Variants in BTNL9 observed in about 807,000 individuals in gnomAD.
BTNL9 encodes the protein butyrophilin like 9.
A neutral mutation model predicts 45.8 loss-of-function variants in BTNL9; 45 were observed. The observed-to-expected ratio is 0.98, with a 90% CI of 0.77 to 1.26. The LOEUF is 1.26. Among genes scored for constraint, BTNL9 ranks in the 50% most tolerant of loss-of-function variants. BTNL9 has a pLI of 0.00. For missense variants in BTNL9, 784 were observed against 729.7 expected, an observed-to-expected ratio of 1.07 and a Z score of -0.86; for synonymous variants, 346 against 330.8, an observed-to-expected ratio of 1.05 and a Z score of -0.50.
At position 181,055,673 on chromosome 5, in the gene BTNL9, G is replaced by A; in HGVS notation, c.928+220G>A. On this transcript the variant is annotated intron_variant, in intron 8 of 10. Coordinates refer to ENST00000327705, the MANE Select transcript of BTNL9 (RefSeq NM_152547.5). This position sits in a 1 kb window ranked among gnomAD's most constrained non-coding sequence, Gnocchi z 4.4. ...AGTCCCAGCTACATGGGAGGCTGAG[G>A]CAGGAGAAGGGCGTGAACCCGGGAA... 1 of 687,132 alleles carries A rather than the reference G, an allele frequency of 1.5e-6. No homozygotes were observed. 42.6% of individuals were successfully genotyped at this position (687,132 alleles called of 1,614,324 possible). A position where few individuals can be genotyped will look rare whatever the true frequency, so the allele number is the denominator to read the frequency against.
chr5:181,054,691 AAGAG>A (rs1259006526), intron 7 of BTNL9: 8 of 985,150 alleles, frequency 8.1e-6, no homozygotes, highest in African/African-American at 3.5e-5. Context: ...TGTAGAGAGG[AAGAG>A]AGAGTGAACC....
chr5:181,053,699 G>A lies in BTNL9; in HGVS notation c.886+198G>A. On this transcript the variant is annotated intron_variant, in intron 6 of 10. Coordinates refer to ENST00000327705, the MANE Select transcript of BTNL9 (RefSeq NM_152547.5). The surrounding 1 kb of genome is among the most constrained non-coding windows in gnomAD (Gnocchi z 6.5). The stretch of plus-strand genomic sequence containing the variant: ...ACAAAAGCGGAGGTGCGGAACGGCT[G>A]CATTTTCCACGGAGGCTAGTGCACA... The A allele has an allele frequency of 6.6e-7, 1 of 1,511,568 alleles. No individual in the cohort carries two copies. Among genetic ancestry groups the A allele is most frequent in the Non-Finnish European group, 8.9e-7 (1 of 1,127,518 alleles). The allele number at this position is 1,511,568 out of a possible 1,614,324, so 93.6% of individuals were successfully genotyped here. A position where few individuals can be genotyped will look rare whatever the true frequency, so the allele number is the denominator to read the frequency against.
rs530194541 is a variant in BTNL9, at chr5:181,061,301, G to T, written c.*1439G>T. 6.6e-6 allele frequency: 1 copy of T among 152,364 alleles called. No individual in the cohort carries two copies. Among genetic ancestry groups the T allele is most frequent in the African/African-American group, 2.4e-5 (1 of 41,590 alleles). 9.4% of individuals were successfully genotyped at this position (152,364 alleles called of 1,614,324 possible). On this transcript the variant is annotated 3_prime_UTR_variant, in exon 11 of 11. Transcript: ENST00000327705. The stretch of plus-strand genomic sequence containing the variant: ...GGTGACTCTAGGTGACTGGTCGACA[G>T]ATGTTCATTGTACTATCAATGTGGC...
intron 1 of BTNL9, among the ~76,000 whole-genome samples, 165 bp from the exon 2 acceptor site, chr5:181,045,302 A>G (rs1042398467): frequency 1.3e-5 from 2 of 152,142 alleles, no homozygotes; most frequent in Non-Finnish European, 2.9e-5. Flanking sequence ...AATTAGAAGC[A>G]GCTCTCCCCT....
Position 181,059,892 on chromosome 5 carries a change from G to A in BTNL9, c.*30G>A, listed in dbSNP as rs1762086635. 2.9e-6 allele frequency: 4 copies of A among 1,363,016 alleles called. No individual in the cohort carries two copies. The highest frequency in any genetic ancestry group is 2.8e-5 in the East Asian group (1 of 36,036). 84.4% of individuals were successfully genotyped at this position (1,363,016 alleles called of 1,614,324 possible). ...CCCTCGTGGCCGCGGGACTGGCCCC[G>A]GGGGGCCCCCTGGATCCCAGGCCAG... On this transcript the variant is annotated 3_prime_UTR_variant, in exon 11 of 11. Coordinates refer to ENST00000327705, the MANE Select transcript of BTNL9 (RefSeq NM_152547.5).
At chr5:181,051,095 A>AC (rs1440894792) in intron 4 of BTNL9, among the ~76,000 whole-genome samples, 3 of 151,622 alleles carry the variant, frequency 2.0e-5, no homozygotes, top group Non-Finnish European at 2.9e-5. Flanking sequence ...AAAACAAAAA[A>AC]AAAAAAAACA....
At position 181,060,062 on chromosome 5, in the gene BTNL9, G is replaced by A. The variant is rs1762092475; in HGVS notation, c.*200G>A. The A allele has an allele frequency of 1.7e-6, 1 of 599,654 alleles. No homozygotes were observed. The highest frequency in any genetic ancestry group is 2.3e-5 in the South Asian group (1 of 43,648). The allele number at this position is 599,654 out of a possible 1,614,324, so 37.1% of individuals were successfully genotyped here. ...AGGAAAGGAGACAAGTCCAAAGCTCGTTTGTGGATTGTGGGACTGAGCGAA... is the reference window on the plus strand; with the variant it reads ...AGGAAAGGAGACAAGTCCAAAGCTCATTTGTGGATTGTGGGACTGAGCGAA... On this transcript the variant is annotated 3_prime_UTR_variant, in exon 11 of 11. Coordinates refer to ENST00000327705, the MANE Select transcript of BTNL9 (RefSeq NM_152547.5).
At chr5:181,040,828 G>C (rs1032927095) in intron 1 of BTNL9, among the ~76,000 whole-genome samples, 1 of 152,242 alleles carries the variant, frequency 6.6e-6, no homozygotes, top group African/African-American at 2.4e-5. Flanking sequence ...TGCAGGGGGT[G>C]TCGGGGAGGC....
Position 181,053,353 on chromosome 5 carries a change from G to A in BTNL9, c.853+37G>A, listed in dbSNP as rs1046305598. 1 of 1,515,940 alleles carries A rather than the reference G, an allele frequency of 6.6e-7. No individual in the cohort carries two copies. Among genetic ancestry groups the A allele is most frequent in the South Asian group, 1.3e-5 (1 of 79,040 alleles). The allele number at this position is 1,515,940 out of a possible 1,614,324, so 93.9% of individuals were successfully genotyped here. On this transcript the variant is annotated intron_variant, in intron 5 of 10. Transcript: ENST00000327705. This position sits in a 1 kb window ranked among gnomAD's most constrained non-coding sequence, Gnocchi z 6.5. The stretch of plus-strand genomic sequence containing the variant: ...GGCGGCGGGGCGGGGAGGGGCACCG[G>A]CCGGTGCTGAACCCCGGGGCCGCGG...
intron 7 of BTNL9, chr5:181,054,775 T>C: frequency 9.1e-6 from 9 of 985,304 alleles, no homozygotes; most frequent in Non-Finnish European, 1.1e-5. Flanking sequence ...GATGAAACTG[T>C]AAGGTTGGGA....
rs112804703 is a variant in BTNL9, at chr5:181,049,229, GATACCTCCA to G, written c.455-855_455-847del. ...ACCTCCAGGAACTTACTCCACCTCC[GATACCTCCA>G]ATATGAAAAAAGCATATGTATGAGT... On this transcript the variant is annotated intron_variant, in intron 3 of 10. Transcript: ENST00000327705. Among the ~76,000 whole-genome samples, 575 of 152,012 alleles carry G rather than the reference GATACCTCCA, an allele frequency of 3.8e-3. 1 individual carries two copies. The highest frequency in any genetic ancestry group is 0.013 in the African/African-American group (551 of 41,436).
At chr5:181,056,829 A>C (rs1239206639) in intron 9 of BTNL9, 1 of 541,552 alleles carries the variant, frequency 1.8e-6, no homozygotes, top group East Asian at 3.1e-5. Flanking sequence ...ATCAGTGGGG[A>C]TAAGTGATGG....
In BTNL9 at chr5:181,050,860, G is replaced by A. The variant is rs199792022; in HGVS notation, c.736+491G>A. Among the ~76,000 whole-genome samples the A allele has an allele frequency of 1.3e-5, 2 of 152,004 alleles. No homozygotes were observed. Among genetic ancestry groups the A allele is most frequent in the Non-Finnish European group, 2.9e-5 (2 of 67,994 alleles). The stretch of plus-strand genomic sequence containing the variant: ...TCCCAGCACTTTGGGAGGCCAAGGC[G>A]GGTGGATCATGAGGTCAGGAGTTCA... On this transcript the variant is annotated intron_variant, in intron 4 of 10. Coordinates refer to ENST00000327705, the MANE Select transcript of BTNL9 (RefSeq NM_152547.5). The surrounding 1 kb of genome is among the most constrained non-coding windows in gnomAD (Gnocchi z 4.9).
In BTNL9 at chr5:181,050,117, G is replaced by A. The variant is rs540800197; in HGVS notation, c.484G>A (p.Glu162Lys). 483 of 1,613,940 alleles carry A rather than the reference G, an allele frequency of 3.0e-4. 6 individuals are homozygous for A. In the South Asian group the frequency reaches 5.0e-3, roughly 17 times the overall value. ...GLGSDPHLSLEGFKEGGIQLR... is the reference protein window; with the variant it reads ...GLGSDPHLSLKGFKEGGIQLR... Reference sequence around the variant, plus strand: ...GGGCTCAGACCCTCACCTCTCCCTTGAGGGCTTCAAGGAAGGAGGCATTCA... The same window carrying A: ...GGGCTCAGACCCTCACCTCTCCCTTAAGGGCTTCAAGGAAGGAGGCATTCA... Residue 162 changes from glutamate (E) to lysine (K), a missense_variant, in exon 4 of 11, where the codon GAG (glutamate) becomes AAG (lysine). Transcript: ENST00000327705. The surrounding 1 kb of genome is among the most constrained non-coding windows in gnomAD (Gnocchi z 4.9).
chr5:181,050,408 C>A lies in BTNL9; in HGVS notation c.736+39C>A. ...AGCTCACACCCATCTTCCTAGTCCT[C>A]ATGTGTACATACACATTGGCCCAAA... On this transcript the variant is annotated intron_variant, in intron 4 of 10. Transcript: ENST00000327705. The surrounding 1 kb of genome is among the most constrained non-coding windows in gnomAD (Gnocchi z 4.9). 1 of 1,601,504 alleles carries A rather than the reference C, an allele frequency of 6.2e-7. No individual in the cohort carries two copies. Among genetic ancestry groups the A allele is most frequent in the Non-Finnish European group, 8.5e-7 (1 of 1,172,352 alleles).
rs373742889 is a variant in BTNL9, at chr5:181,058,287, G to T, written c.956-65G>T. 33 of 1,584,102 alleles carry T rather than the reference G, an allele frequency of 2.1e-5. No individual in the cohort carries two copies. The African/African-American group carries it at 4.3e-4, about 21-fold the overall frequency. On this transcript the variant is annotated intron_variant, in intron 9 of 10. Transcript: ENST00000327705. The stretch of plus-strand genomic sequence containing the variant: ...CATCCCTCATACATCTGGAGACTTC[G>T]TTAAGGTTCCAGAGTTACTGACTGA...
At chr5:181,056,979 C>T in intron 9 of BTNL9, 1 of 205,530 alleles carries the variant, frequency 4.9e-6, no homozygotes. Context: ...GGATGGCTGT[C>T]TTTTATTATT....
At chr5:181,047,479 A>G (rs1484607959) in intron 2 of BTNL9, 21 of 990,916 alleles carry the variant, frequency 2.1e-5, no homozygotes, top group Non-Finnish European at 2.4e-5. Context: ...CATCATGCAG[A>G]AATTATCACC....
rs201001706 is a variant in BTNL9, at chr5:181,059,797, G to A, written c.1543G>A (p.Glu515Lys). 51 of 1,603,732 alleles carry A rather than the reference G, an allele frequency of 3.2e-5. No homozygotes were observed. In the East Asian group the frequency reaches 1.1e-3, roughly 34 times the overall value. ...GGTTAGAGGGACGGGCGTCCCCGAA[G>A]AGAACGACAGTGACACCTGGCTACA... is the stretch of plus-strand genomic sequence containing the variant. Reference protein sequence around the residue: ...LPVRGTGVPEENDSDTWLQPY... With the variant: ...LPVRGTGVPEKNDSDTWLQPY... The change falls in exon 11 of 11, where the codon GAG (glutamate) becomes AAG (lysine). Residue 515 changes from glutamate (E) to lysine (K), a missense_variant. Glu to Lys is a moderately conservative substitution (Grantham distance 56). Transcript: ENST00000327705.
Sources: gnomAD v4.1 joint callset for allele counts (sites outside exome capture counted in the v4.1 genomes callset) on GRCh38, gnomAD v4.1.1 for gene constraint, Gnocchi (gnomAD v3.1) non-coding constraint, MANE v1.5 for transcripts, NCBI Gene and HGNC (gene_info 2026-07-23, HGNC 2026-07-21) for gene names.